The following TASP1 variants were observed in gnomAD, a reference collection of about 807,000 sequenced individuals.
The protein encoded by TASP1 is threonine aspartase 1.
In TASP1, 16 loss-of-function variants were observed where a neutral mutation model predicts 56.6. The ratio of observed to expected loss-of-function variants is 0.28; its 90% CI spans 0.19 to 0.43. The LOEUF (loss-of-function observed/expected upper bound fraction) is 0.43. TASP1 is among the 20% of genes least tolerant of loss of function. The pLI, the probability that TASP1 is intolerant of heterozygous loss-of-function variation, is 1.00. For missense variants in TASP1, 393 were observed against 511.6 expected (o/e 0.77, Z 2.24); for synonymous variants, 179 against 184.2 (o/e 0.97, Z 0.23).
At chr20:13,150,431 G>T in the TASP1 span, among the ~76,000 whole-genome samples, 35,775 of 152,022 alleles carry the variant, frequency 0.24, 4,536 homozygotes, top group South Asian at 0.44. Flanking sequence ...TGCAGATTTA[G>T]AATTGGGGAT....
chr20:13,522,507 C>T (rs34713021), intron 10 of TASP1, among the ~76,000 whole-genome samples: 14,099 of 151,980 alleles, frequency 0.093, 708 homozygotes, highest in Admixed American at 0.16. Flanking sequence ...AAGGATGAAC[C>T]CAAAATTTTG....
intron 8 of TASP1, among the ~76,000 whole-genome samples, chr20:13,550,811 T>C (rs2045959312): frequency 6.6e-6 from 1 of 152,094 alleles, no homozygotes; most frequent in South Asian, 2.1e-4. Context: ...CAGTTTGTTT[T>C]TCCAGTGTCA....
chr20:13,114,645 CTGTATCTCTATGGTTTAAACAAAT>C, the TASP1 span, among the ~76,000 whole-genome samples: 1 of 152,184 alleles, frequency 6.6e-6, no homozygotes. Context: ...AAACTGTCAC[CTGTATCTCTATGGTTTAAACAAAT>C]AAAGAAAAGA....
chr20:13,476,317 C>G (rs900654827), intron 11 of TASP1, among the ~76,000 whole-genome samples: 2 of 152,176 alleles, frequency 1.3e-5, no homozygotes, highest in Non-Finnish European at 2.9e-5. Context: ...AGGATCTTCA[C>G]TTATTTCTCC....
the TASP1 span, among the ~76,000 whole-genome samples, chr20:13,271,421 C>T: frequency 0.051 from 7,690 of 152,254 alleles, 256 homozygotes; most frequent in Admixed American, 0.084. Context: ...ATAACTCTCA[C>T]CTACACTGAA....
the TASP1 span, among the ~76,000 whole-genome samples, chr20:13,344,928 C>G: frequency 6.6e-6 from 1 of 152,178 alleles, no homozygotes; most frequent in Non-Finnish European, 1.5e-5. Flanking sequence ...GGCCCTCAGG[C>G]TCCCCGGATT....
intron 12 of TASP1, among the ~76,000 whole-genome samples, chr20:13,427,362 G>C (rs183345191): frequency 6.3e-4 from 96 of 152,188 alleles, no homozygotes; most frequent in Non-Finnish European, 1.3e-3. Context: ...ATTCTGAAAA[G>C]AGGGAGGAAA....
intron 8 of TASP1, among the ~76,000 whole-genome samples, chr20:13,538,840 C>G (rs945862942): frequency 3.3e-5 from 5 of 151,872 alleles, no homozygotes; most frequent in African/African-American, 1.2e-4. Flanking sequence ...GCCAGGAGTT[C>G]AAGACTAGCC....
At chr20:13,292,236 G>A in the TASP1 span, 1 of 617,592 alleles carries the variant, frequency 1.6e-6, no homozygotes, top group Non-Finnish European at 2.9e-6. Context: ...TGTTTCCTCT[G>A]TTGGCAAGTT....
chr20:13,448,723 T>C (rs2043506652), intron 11 of TASP1, among the ~76,000 whole-genome samples: 2 of 152,084 alleles, frequency 1.3e-5, no homozygotes, highest in Non-Finnish European at 1.5e-5. Flanking sequence ...ATGTACATAG[T>C]AGGAAATGCA....
intron 10 of TASP1, among the ~76,000 whole-genome samples, chr20:13,486,241 A>G (rs1358503246): frequency 3.9e-5 from 6 of 152,200 alleles, no homozygotes; most frequent in Non-Finnish European, 8.8e-5. Flanking sequence ...TCACCAAAAA[A>G]TAAGACTTTC....
At chr20:13,433,470 C>T (rs1050104854) in intron 12 of TASP1, among the ~76,000 whole-genome samples, 2 of 144,166 alleles carry the variant, frequency 1.4e-5, no homozygotes, top group Non-Finnish European at 3.0e-5. Flanking sequence ...AGCACATCTC[C>T]TTGGAGGAAC....
intron 11 of TASP1, among the ~76,000 whole-genome samples, chr20:13,482,475 A>G (rs764704363): frequency 6.6e-6 from 1 of 152,156 alleles, no homozygotes; most frequent in Non-Finnish European, 1.5e-5. Context: ...GATTGCATTG[A>G]ATCTTTGGAC....
intron 8 of TASP1, among the ~76,000 whole-genome samples, chr20:13,536,693 G>A (rs1000367062): frequency 2.0e-5 from 3 of 152,018 alleles, no homozygotes; most frequent in African/African-American, 7.2e-5. Context: ...GCCCAAGTAA[G>A]GCATAATGTA....
chr20:13,511,195 AAAG>A lies in TASP1; in HGVS notation c.874+17235_874+17237del, dbSNP rs1217348791. Among the ~76,000 whole-genome samples the A allele has an allele frequency of 2.0e-5, 3 of 152,058 alleles. No individual in the cohort carries two copies. In the East Asian group the frequency reaches 5.8e-4, roughly 29 times the overall value. On this transcript the variant is annotated intron_variant, in intron 10 of 13. Coordinates refer to ENST00000337743, the MANE Select transcript of TASP1 (RefSeq NM_017714.3). Reference sequence around the variant, plus strand: ...ATTCCTAGGAAAAAAAAAAAAACTAAAAGAAGATTTTTTTTTTAATTCCTCTGG... The same window carrying A: ...ATTCCTAGGAAAAAAAAAAAAACTAAAAGATTTTTTTTTTAATTCCTCTGG...
At chr20:13,560,740 A>G (rs2046318109) in intron 7 of TASP1, among the ~76,000 whole-genome samples, 2 of 152,188 alleles carry the variant, frequency 1.3e-5, no homozygotes, top group Admixed American at 1.3e-4. Context: ...ATTTACAAAT[A>G]TACACACTGT....
At chr20:13,226,599 G>T in the TASP1 span, among the ~76,000 whole-genome samples, 2 of 152,190 alleles carry the variant, frequency 1.3e-5, no homozygotes, top group African/African-American at 4.8e-5. Flanking sequence ...ATGTAGCTGT[G>T]GCCATCTGTT....
chr20:13,220,743 T>C, the TASP1 span, among the ~76,000 whole-genome samples: 4 of 152,184 alleles, frequency 2.6e-5, no homozygotes, highest in Non-Finnish European at 4.4e-5. Context: ...GAACGACACT[T>C]TGGCACTCCT....
At chr20:13,305,194 G>A in the TASP1 span, among the ~76,000 whole-genome samples, 1 of 78,240 alleles carries the variant, frequency 1.3e-5, no homozygotes, top group African/African-American at 4.6e-5. Flanking sequence ...ATACCGTTGA[G>A]TTGTTAAAAA....
Sources: allele counts gnomAD v4.1 joint callset (sites outside exome capture counted in the v4.1 genomes callset), GRCh38; gene constraint gnomAD v4.1.1; transcripts MANE v1.5; gene names NCBI Gene and HGNC (gene_info 2026-07-23, HGNC 2026-07-21).